Variants in AUTS2 observed in about 807,000 individuals in gnomAD.
The protein encoded by AUTS2 is autism susceptibility gene 2 protein.
In AUTS2, 17 loss-of-function variants were observed where a neutral mutation model predicts 112.4. That is an observed-to-expected ratio of 0.15 (90% CI 0.10 to 0.23). AUTS2 has a LOEUF of 0.23. AUTS2 is among the 10% of genes least tolerant of loss of function. The pLI, the probability that AUTS2 is intolerant of heterozygous loss-of-function variation, is 1.00. For synonymous variants in AUTS2, 751 were observed against 702.7 expected, an observed-to-expected ratio of 1.07 and a Z score of -1.09; for missense variants, 1,510 against 1,701.6, an observed-to-expected ratio of 0.89 and a Z score of 1.98.
chr7:70,658,852 G>A (rs2129542561), intron 5 of AUTS2, among the ~76,000 whole-genome samples: 1 of 152,332 alleles, frequency 6.6e-6, no homozygotes, highest in Middle Eastern at 3.4e-3. Flanking sequence ...AAGCCCTGAA[G>A]CACAGACATA....
intron 6 of AUTS2, among the ~76,000 whole-genome samples, chr7:70,739,344 CTT>C (rs1185801587): frequency 4.4e-5 from 6 of 135,034 alleles, no homozygotes; most frequent in Non-Finnish European, 8.0e-5. Flanking sequence ...CCTTTTTTTC[CTT>C]TTTTTTTTTT....
chr7:69,664,720 C>T (rs550024277), intron 1 of AUTS2, among the ~76,000 whole-genome samples: 1 of 152,318 alleles, frequency 6.6e-6, no homozygotes, highest in East Asian at 1.9e-4. Context: ...CCTGTTCAGA[C>T]AGTCTAGTTA....
intron 2 of AUTS2, among the ~76,000 whole-genome samples, chr7:69,929,847 G>A (rs888842943): frequency 3.9e-5 from 6 of 152,070 alleles, no homozygotes; most frequent in Non-Finnish European, 8.8e-5. Context: ...ACTCATTATG[G>A]GTCATGCTTT....
chr7:70,057,552 T>A (rs1287711510), intron 2 of AUTS2, among the ~76,000 whole-genome samples: 1 of 152,224 alleles, frequency 6.6e-6, no homozygotes, highest in African/African-American at 2.4e-5. Context: ...ATTATCTGAT[T>A]TAATCCTCAA....
chr7:70,260,754 C>A (rs890901666), intron 4 of AUTS2, among the ~76,000 whole-genome samples: 1 of 144,866 alleles, frequency 6.9e-6, no homozygotes, highest in African/African-American at 2.5e-5. Flanking sequence ...CCTTTTTACA[C>A]TTTTTTTTTT....
At chr7:69,918,937 A>G (rs928013037) in intron 2 of AUTS2, among the ~76,000 whole-genome samples, 7 of 152,206 alleles carry the variant, frequency 4.6e-5, no homozygotes, top group Non-Finnish European at 7.3e-5. Context: ...GTAATTTAAG[A>G]AAAATCTTTA....
intron 5 of AUTS2, among the ~76,000 whole-genome samples, chr7:70,513,567 A>C (rs1280293338): frequency 6.6e-6 from 1 of 152,186 alleles, no homozygotes; most frequent in Non-Finnish European, 1.5e-5. Context: ...TGGTGGCTGT[A>C]ATCCACCTTT....
intron 5 of AUTS2, among the ~76,000 whole-genome samples, chr7:70,478,493 G>A (rs974480991): frequency 3.9e-5 from 6 of 152,098 alleles, no homozygotes; most frequent in Admixed American, 2.6e-4. Flanking sequence ...TTGCCTGCAG[G>A]AGGCTCTTCA....
chr7:70,196,400 TAGA>T (rs1428838678), intron 4 of AUTS2, among the ~76,000 whole-genome samples: 1 of 152,170 alleles, frequency 6.6e-6, no homozygotes, highest in African/African-American at 2.4e-5. Flanking sequence ...CCGAATAAAA[TAGA>T]AGGGAATTTC....
At chr7:69,871,022 G>A (rs1198639274) in intron 1 of AUTS2, among the ~76,000 whole-genome samples, 2 of 152,002 alleles carry the variant, frequency 1.3e-5, no homozygotes, top group Non-Finnish European at 2.9e-5. Flanking sequence ...TGTTTTTACC[G>A]CACAGTGGAA....
chr7:69,780,164 G>C (rs921375867), intron 1 of AUTS2, among the ~76,000 whole-genome samples: 1 of 152,056 alleles, frequency 6.6e-6, no homozygotes, highest in Non-Finnish European at 1.5e-5. Context: ...CCTTACCTGT[G>C]ATCTAAAGAG....
chr7:70,085,653 C>T (rs1453628560), intron 2 of AUTS2, among the ~76,000 whole-genome samples: 1 of 152,208 alleles, frequency 6.6e-6, no homozygotes, highest in African/African-American at 2.4e-5. Flanking sequence ...AGGCATGAGC[C>T]AACATGCCTA....
At chr7:69,734,381 GA>G (rs1786937204) in intron 1 of AUTS2, among the ~76,000 whole-genome samples, 1 of 144,894 alleles carries the variant, frequency 6.9e-6, no homozygotes, top group Non-Finnish European at 1.5e-5. Flanking sequence ...CTTAGGTAAA[GA>G]AGTCTTTCTT....
At chr7:70,131,807 A>G (rs964701033) in intron 3 of AUTS2, among the ~76,000 whole-genome samples, 2 of 152,028 alleles carry the variant, frequency 1.3e-5, no homozygotes, top group African/African-American at 4.8e-5. Context: ...AGCCTCAGCT[A>G]AAGTCTGACT....
At chr7:70,482,860 A>G (rs1038681761) in intron 5 of AUTS2, among the ~76,000 whole-genome samples, 2 of 151,518 alleles carry the variant, frequency 1.3e-5, no homozygotes, top group Non-Finnish European at 2.9e-5. Context: ...GCTGTCATAT[A>G]TATATGTGTA....
chr7:70,008,837 T>C (rs1041945596), intron 2 of AUTS2, among the ~76,000 whole-genome samples: 1 of 152,220 alleles, frequency 6.6e-6, no homozygotes, highest in Non-Finnish European at 1.5e-5. Flanking sequence ...AAAGTACTTA[T>C]GATATTGTCC....
intron 5 of AUTS2, among the ~76,000 whole-genome samples, chr7:70,512,895 G>A (rs1037986992): frequency 6.6e-6 from 1 of 152,058 alleles, no homozygotes; most frequent in Non-Finnish European, 1.5e-5. Context: ...AAGTGTGGGG[G>A]GGCAGTAGGT....
chr7:69,627,661 TAAG>T (rs1285381471), intron 1 of AUTS2, among the ~76,000 whole-genome samples: 3 of 152,036 alleles, frequency 2.0e-5, no homozygotes, highest in Non-Finnish European at 4.4e-5. Flanking sequence ...TCCTGTGGAT[TAAG>T]AGTAGGGGAG....
chr7:70,605,513 CT>C (rs11412825), intron 5 of AUTS2, among the ~76,000 whole-genome samples: 6 of 96,220 alleles, frequency 6.2e-5, no homozygotes, highest in Admixed American at 9.8e-5. Context: ...TTTTGTCTTT[CT>C]TTTTTTTTTC....
Sources: gnomAD v4.1 joint callset for allele counts (sites outside exome capture counted in the v4.1 genomes callset) on GRCh38, gnomAD v4.1.1 for gene constraint, MANE v1.5 for transcripts, NCBI Gene and HGNC (gene_info 2026-07-23, HGNC 2026-07-21) for gene names.